Variants in ADNP2 observed in about 807,000 individuals in gnomAD.
ADNP2 encodes the protein ADNP homeobox 2, also known as activity-dependent neuroprotector homeobox protein 2.
In ADNP2, 8 loss-of-function variants were observed where a neutral mutation model predicts 16.4. The ratio of observed to expected loss-of-function variants is 0.49; its 90% CI spans 0.29 to 0.88. The LOEUF (loss-of-function observed/expected upper bound fraction) is 0.88. ADNP2 is among the 40% of genes least tolerant of loss of function. The probability of loss-of-function intolerance (pLI) is 0.09; values close to 1 mark genes in which losing one functional copy is unlikely to be tolerated. For synonymous variants in ADNP2, 637 were observed against 545.8 expected (o/e 1.17, Z -2.33); for missense variants, 1,397 against 1,395.1 (o/e 1.00, Z -0.02).
intron 2 of ADNP2, among the ~76,000 whole-genome samples, chr18:80,128,475 C>T (rs1303689362): frequency 6.6e-6 from 1 of 152,120 alleles, no homozygotes; most frequent in African/African-American, 2.4e-5. Context: ...CATGGTGAAA[C>T]CCCGTCTCTA....
intron 2 of ADNP2, among the ~76,000 whole-genome samples, chr18:80,123,885 A>G (rs1438445208): frequency 6.6e-6 from 1 of 151,794 alleles, no homozygotes; most frequent in Non-Finnish European, 1.5e-5. Context: ...GTGCATCACC[A>G]TGCCCAGCTA....
chr18:80,111,325 C>G (rs2052355468), intron 1 of ADNP2, among the ~76,000 whole-genome samples: 1 of 152,150 alleles, frequency 6.6e-6, no homozygotes, highest in African/African-American at 2.4e-5. Flanking sequence ...CATTTATCCT[C>G]ATAACTACTC....
intron 2 of ADNP2, among the ~76,000 whole-genome samples, chr18:80,128,029 C>T (rs1274810603): frequency 2.0e-5 from 3 of 152,224 alleles, no homozygotes; most frequent in African/African-American, 7.2e-5. Flanking sequence ...TTAATAGTAG[C>T]TTACTTCTTT....
chr18:80,136,241 A>G lies in ADNP2; in HGVS notation c.828A>G (p.Ala276=), dbSNP rs971250992. Residue 276 remains alanine, a synonymous_variant, in exon 4 of 4, where the codon GCA becomes GCG. Transcript: ENST00000262198. The part of the protein sequence containing the change: ...IAPKPAAHLA[A]PANGSAPSAP... ...CAAAACCAGCAGCACATTTGGCTGC[A>G]CCAGCAAATGGCAGTGCTCCAAGCG... The G allele has an allele frequency of 1.1e-5, 17 of 1,614,132 alleles. No individual in the cohort carries two copies. Among genetic ancestry groups the G allele is most frequent in the African/African-American group, 1.3e-5 (1 of 74,960 alleles).
At chr18:80,112,573 T>G (rs1379859885) in intron 1 of ADNP2, among the ~76,000 whole-genome samples, 1 of 152,090 alleles carries the variant, frequency 6.6e-6, no homozygotes, top group African/African-American at 2.4e-5. Flanking sequence ...AATAAAAAGT[T>G]CCTATTTTTC....
rs367747494 is a variant in ADNP2, at chr18:80,136,862, G to T, written c.1449G>T (p.Gln483His). Residue 483 changes from glutamine (Q) to histidine (H), a missense_variant, in exon 4 of 4, where the codon CAG becomes CAT. Physicochemically the swap from Gln to His is conservative, Grantham distance 24. Around this residue, in one of 3 missense-constraint regions of ADNP2, gnomAD observed 777 missense variants for 719.4 expected, o/e 1.08. Coordinates refer to ENST00000262198, the MANE Select transcript of ADNP2 (RefSeq NM_014913.4). Reference protein sequence around the residue: ...SGVLPTGQMVQSGVLPVGQTA... With the variant: ...SGVLPTGQMVHSGVLPVGQTA... ...TTCTTCCTACTGGCCAGATGGTCCA[G>T]TCAGGAGTTCTCCCTGTGGGCCAGA... 3.1e-6 allele frequency: 5 copies of T among 1,613,822 alleles called. No homozygotes were observed. The highest frequency in any genetic ancestry group is 4.2e-6 in the Non-Finnish European group (5 of 1,179,958).
In ADNP2 at chr18:80,136,460, C is replaced by T; in HGVS notation, c.1047C>T (p.Pro349=). The change falls in exon 4 of 4, where the codon CCC becomes CCT. Residue 349 remains proline, a synonymous_variant. Coordinates refer to ENST00000262198, the MANE Select transcript of ADNP2 (RefSeq NM_014913.4). ...GCCAGAACAGCCTCACCCTGCAGCC[C>T]CCAGCACCTCAGCCCGTCTTTCTTT... ...PVGQNSLTLQ[P]PAPQPVFLSH... 1.2e-6 allele frequency: 2 copies of T among 1,614,060 alleles called. No individual in the cohort carries two copies. The highest frequency in any genetic ancestry group is 2.2e-5 in the South Asian group (2 of 91,066).
chr18:80,131,683 G>A (rs1375575359), intron 2 of ADNP2, among the ~76,000 whole-genome samples: 1 of 151,726 alleles, frequency 6.6e-6, no homozygotes, highest in Non-Finnish European at 1.5e-5. Flanking sequence ...AAAAGGATGA[G>A]TTCATGTCCT....
At chr18:80,122,964 G>A (rs574568712) in intron 2 of ADNP2, among the ~76,000 whole-genome samples, 1 of 151,966 alleles carries the variant, frequency 6.6e-6, no homozygotes, top group South Asian at 2.1e-4. Flanking sequence ...CCTTTATCTT[G>A]TTGAGGAGAG....
intron 1 of ADNP2, among the ~76,000 whole-genome samples, chr18:80,115,217 T>C (rs1043963365): frequency 6.6e-6 from 1 of 152,214 alleles, no homozygotes; most frequent in Admixed American, 6.5e-5. Flanking sequence ...GTATCTGGCC[T>C]ATGGGAGCCC....
chr18:80,121,285 G>A (rs34302527), intron 2 of ADNP2, among the ~76,000 whole-genome samples: 3 of 151,682 alleles, frequency 2.0e-5, no homozygotes, highest in Admixed American at 1.3e-4. Flanking sequence ...TTGCATTTCC[G>A]TAGACAAATG....
rs762571588 is a variant in ADNP2 at position 80,135,972 on chromosome 18, T to C, written c.559T>C (p.Phe187Leu). ...AHFHYLINSY[F>L]GLRTEEMGEQ... ...TTTTCACTACTTAATTAACTCCTACTTTGGCCTAAGAACTGAGGAAATGGG... is the reference window on the plus strand; with the variant it reads ...TTTTCACTACTTAATTAACTCCTACCTTGGCCTAAGAACTGAGGAAATGGG... Residue 187 changes from phenylalanine (F) to leucine (L), a missense_variant, in exon 4 of 4, where the codon TTT becomes CTT. This residue lies in a region of ADNP2 where 777 missense variants were observed against 719.4 expected (regional missense o/e 1.08). Transcript: ENST00000262198. The C allele has an allele frequency of 6.2e-7, 1 of 1,614,234 alleles. No individual in the cohort carries two copies. The highest frequency in any genetic ancestry group is 1.1e-5 in the South Asian group (1 of 91,084).
rs370398993 is a variant in ADNP2 at position 80,137,972 on chromosome 18, G to A, written c.2559G>A (p.Val853=). Residue 853 remains valine, a synonymous_variant, in exon 4 of 4, where the codon GTG becomes GTA. Coordinates refer to ENST00000262198, the MANE Select transcript of ADNP2 (RefSeq NM_014913.4). The surrounding 1 kb of genome is among the most constrained non-coding windows in gnomAD (Gnocchi z 4.2). Reference sequence around the variant, plus strand: ...CTGGGATACACTCCAAGTCACTGGTGCCTGTGTATGTGAAGGTGAGGCCTC... The same window carrying A: ...CTGGGATACACTCCAAGTCACTGGTACCTGTGTATGTGAAGGTGAGGCCTC... The part of the protein sequence containing the change: ...ILAGIHSKSL[V]PVYVKVRPQA... 5 of 1,613,116 alleles carry A rather than the reference G, an allele frequency of 3.1e-6. No homozygotes were observed. The highest frequency in any genetic ancestry group is 1.7e-5 in the Admixed American group (1 of 60,008).
Position 80,135,881 on chromosome 18 carries a change from A to C in ADNP2, c.468A>C (p.Thr156=), listed in dbSNP as rs756631679. The C allele has an allele frequency of 3.1e-6, 5 of 1,614,252 alleles. No homozygotes were observed. In the Admixed American group the frequency reaches 6.7e-5, roughly 22 times the overall value. The stretch of plus-strand genomic sequence containing the variant: ...CTAGGAGCGATGTGATAAGTTTCAC[A>C]TGTCTAAAATGTAACTTTTCAAACA... ...KSSRSDVISF[T]CLKCNFSNTL... The change falls in exon 4 of 4, where the codon ACA becomes ACC. Residue 156 remains threonine (T), a synonymous_variant. Transcript: ENST00000262198.
At chr18:80,110,538 G>A (rs1052304482) in intron 1 of ADNP2, among the ~76,000 whole-genome samples, 5 of 152,080 alleles carry the variant, frequency 3.3e-5, no homozygotes, top group African/African-American at 1.2e-4. Context: ...CAAAAGAGGG[G>A]GTTTGGAGTC....
At chr18:80,115,510 A>C (rs1225644925) in intron 1 of ADNP2, among the ~76,000 whole-genome samples, 1 of 152,172 alleles carries the variant, frequency 6.6e-6, no homozygotes, top group Non-Finnish European at 1.5e-5. Context: ...CTATTCTTCT[A>C]TCTGTGTGTT....
rs147363890 is a variant in ADNP2, at chr18:80,125,572, G to A, written c.109-7531G>A. On this transcript the variant is annotated intron_variant, in intron 2 of 3. Transcript: ENST00000262198. Reference sequence around the variant, plus strand: ...GCAGGAGAATGGCGTGAACCTGGGAGGTGGAGCTTGCAGTGAGCCTAGAAT... The same window carrying A: ...GCAGGAGAATGGCGTGAACCTGGGAAGTGGAGCTTGCAGTGAGCCTAGAAT... Among the ~76,000 whole-genome samples, 541 of 152,220 alleles carry A rather than the reference G, an allele frequency of 3.6e-3. 4 individuals are homozygous for A. Among genetic ancestry groups the A allele is most frequent in the African/African-American group, 0.012 (519 of 41,528 alleles).
chr18:80,110,033 A>T (rs2052347673), intron 1 of ADNP2: 1 of 152,144 alleles, frequency 6.6e-6, no homozygotes, highest in Non-Finnish European at 1.5e-5. Flanking sequence ...TCAGGAGCTG[A>T]CGGTGACACC....
intron 2 of ADNP2, among the ~76,000 whole-genome samples, chr18:80,120,544 T>C (rs368236287): frequency 3.3e-5 from 5 of 152,146 alleles, no homozygotes; most frequent in African/African-American, 9.6e-5. Flanking sequence ...ACCATGTTGC[T>C]CAGGCTGGTC....
Sources: gnomAD v4.1 joint callset for allele counts (sites outside exome capture counted in the v4.1 genomes callset) on GRCh38, gnomAD v4.1.1 for gene constraint, gnomAD v4.1.1 regional missense constraint, Gnocchi (gnomAD v3.1) non-coding constraint, MANE v1.5 for transcripts, NCBI Gene and HGNC (gene_info 2026-07-23, HGNC 2026-07-21) for gene names.